Variants in GSTCD observed in about 807,000 individuals in gnomAD.
GSTCD encodes the protein glutathione S-transferase C-terminal domain containing.
A neutral mutation model predicts 68.3 loss-of-function variants in GSTCD; 44 were observed. The observed-to-expected ratio is 0.64, with a 90% CI of 0.51 to 0.83. GSTCD has a LOEUF of 0.83. Among genes scored for constraint, GSTCD ranks in the 40% least tolerant of loss-of-function variants. GSTCD has a pLI of 0.00. For missense variants in GSTCD, 739 were observed against 735.9 expected, an observed-to-expected ratio of 1.00 and a Z score of -0.05; for synonymous variants, 273 against 255.2, an observed-to-expected ratio of 1.07 and a Z score of -0.67.
At chr4:105,835,219 G>A (rs183995481) in intron 9 of GSTCD, among the ~76,000 whole-genome samples, 10 of 152,172 alleles carry the variant, frequency 6.6e-5, no homozygotes, top group Admixed American at 5.9e-4. Context: ...GGTTGGTGGA[G>A]CGTTTGCCTG....
At chr4:105,825,939 A>T in intron 8 of GSTCD, 139 bp downstream of exon 8, 1 of 464,040 alleles carries the variant, frequency 2.2e-6, no homozygotes, top group Admixed American at 3.6e-5. Flanking sequence ...TCTATGAAAT[A>T]TAGCATATTA....
At chr4:105,821,819 A>G (rs1370420969) in intron 5 of GSTCD, among the ~76,000 whole-genome samples, 1 of 151,876 alleles carries the variant, frequency 6.6e-6, no homozygotes, top group Non-Finnish European at 1.5e-5. Context: ...GTAACCATAC[A>G]TGTACATAAA....
intron 5 of GSTCD, among the ~76,000 whole-genome samples, chr4:105,795,894 T>G (rs1239572778): frequency 1.3e-5 from 2 of 152,232 alleles, no homozygotes; most frequent in Non-Finnish European, 2.9e-5. Flanking sequence ...TTTGATACTT[T>G]GCTGTTCTGT....
chr4:105,782,002 A>T (rs1735292899), intron 5 of GSTCD, among the ~76,000 whole-genome samples: 1 of 152,128 alleles, frequency 6.6e-6, no homozygotes, highest in African/African-American at 2.4e-5. Flanking sequence ...GCTTTGAAAG[A>T]TATTTTGCTT....
chr4:105,785,127 C>CA (rs1161127148), intron 5 of GSTCD, among the ~76,000 whole-genome samples: 6 of 152,180 alleles, frequency 3.9e-5, no homozygotes, highest in Non-Finnish European at 8.8e-5. Context: ...AATCCAGAAG[C>CA]AGAGAGTTTG....
At chr4:105,839,596 T>C (rs564480650) in intron 10 of GSTCD, among the ~76,000 whole-genome samples, 7 of 152,030 alleles carry the variant, frequency 4.6e-5, no homozygotes, top group African/African-American at 1.4e-4. Context: ...GATTGTGCCA[T>C]TGCATTCCCA....
At chr4:105,819,186 C>T (rs1278219033) in intron 5 of GSTCD, among the ~76,000 whole-genome samples, 2 of 151,680 alleles carry the variant, frequency 1.3e-5, no homozygotes, top group Non-Finnish European at 3.0e-5. Flanking sequence ...ATCTGATGTT[C>T]TACTACTTCC....
At chr4:105,772,334 T>C (rs1364342956) in intron 5 of GSTCD, among the ~76,000 whole-genome samples, 1 of 152,224 alleles carries the variant, frequency 6.6e-6, no homozygotes, top group Non-Finnish European at 1.5e-5. Context: ...CCTCTCTTCC[T>C]ATTTGAATAA....
intron 5 of GSTCD, among the ~76,000 whole-genome samples, chr4:105,796,407 A>G (rs1001912606): frequency 6.6e-6 from 1 of 152,212 alleles, no homozygotes. Context: ...GCCAAACCAT[A>G]TTGACCTGGA....
intron 5 of GSTCD, among the ~76,000 whole-genome samples, chr4:105,738,954 G>A (rs536406743): frequency 6.6e-6 from 1 of 152,268 alleles, no homozygotes; most frequent in Non-Finnish European, 1.5e-5. Context: ...TCCCCATTCA[G>A]TATGATGTTA....
At chr4:105,712,875 G>C (rs1258477634) in intron 1 of GSTCD, among the ~76,000 whole-genome samples, 1 of 152,158 alleles carries the variant, frequency 6.6e-6, no homozygotes, top group Non-Finnish European at 1.5e-5. Flanking sequence ...CATCCACATG[G>C]AGATGTCAAG....
At chr4:105,747,949 T>G (rs1339983145) in intron 5 of GSTCD, among the ~76,000 whole-genome samples, 1 of 152,056 alleles carries the variant, frequency 6.6e-6, no homozygotes, top group African/African-American at 2.4e-5. Flanking sequence ...TTTTGAACTT[T>G]TTGGCATTTA....
At position 105,812,928 on chromosome 4, in the gene GSTCD, CAGTA is replaced by C. The variant is rs141470880; in HGVS notation, c.1241-10023_1241-10020del. 3.4e-3 allele frequency among the ~76,000 whole-genome samples: 525 copies of C among 152,196 alleles called. 11 individuals carry two copies. The East Asian group carries it at 0.052, about 15-fold the overall frequency. ...TATTTATTTATTTTTCTTAAAAAGA[CAGTA>C]AGCTTTACTACTATTTAACAGAGAA... is the stretch of plus-strand genomic sequence containing the variant. On this transcript the variant is annotated intron_variant, in intron 5 of 11. Coordinates refer to ENST00000515279, the MANE Select transcript of GSTCD (RefSeq NM_001370181.1).
At chr4:105,809,492 C>T (rs1261716200) in intron 5 of GSTCD, among the ~76,000 whole-genome samples, 1 of 152,048 alleles carries the variant, frequency 6.6e-6, no homozygotes. Context: ...TTCAGGTCAG[C>T]CTATCTGTAA....
intron 5 of GSTCD, among the ~76,000 whole-genome samples, chr4:105,818,618 G>T (rs561079740): frequency 2.0e-5 from 3 of 151,746 alleles, no homozygotes; most frequent in African/African-American, 7.2e-5. Flanking sequence ...GAGCAAAGGA[G>T]AGATACTTTA....
intron 4 of GSTCD, among the ~76,000 whole-genome samples, 199 bp downstream of exon 4, chr4:105,727,029 T>C (rs952764853): frequency 1.3e-5 from 2 of 152,100 alleles, no homozygotes; most frequent in Non-Finnish European, 2.9e-5. Flanking sequence ...TTTAGTATTA[T>C]GTATTTTTGG....
chr4:105,796,031 C>T (rs935523715), intron 5 of GSTCD, among the ~76,000 whole-genome samples: 6 of 152,040 alleles, frequency 3.9e-5, no homozygotes, highest in African/African-American at 1.5e-4. Context: ...TTAACTTTAC[C>T]TGTGTATTAG....
In GSTCD at chr4:105,717,894, T is replaced by C; in HGVS notation, c.281T>C (p.Val94Ala). 6.2e-7 allele frequency: 1 copy of C among 1,614,116 alleles called. No individual in the cohort carries two copies. Among genetic ancestry groups the C allele is most frequent in the Non-Finnish European group, 8.5e-7 (1 of 1,180,006 alleles). Residue 94 changes from valine (V) to alanine (A), a missense_variant, in exon 2 of 12, where the codon GTA becomes GCA. Val to Ala is a moderately conservative substitution (Grantham distance 64). Coordinates refer to ENST00000515279, the MANE Select transcript of GSTCD (RefSeq NM_001370181.1). ...CAAAATTGCTGTTTGCCTGCAGTAG[T>C]AGAACGATCAGACAATTTTTGTAGA... ...IVQNCCLPAV[V>A]ERSDNFCRAG...
intron 5 of GSTCD, among the ~76,000 whole-genome samples, chr4:105,773,643 T>A (rs1276508338): frequency 6.6e-6 from 1 of 152,204 alleles, no homozygotes; most frequent in Admixed American, 6.5e-5. Flanking sequence ...GAGCAGGTTG[T>A]TCAGTTTCCA....
Sources: allele counts gnomAD v4.1 joint callset (sites outside exome capture counted in the v4.1 genomes callset), GRCh38; gene constraint gnomAD v4.1.1; transcripts MANE v1.5; gene names NCBI Gene and HGNC (gene_info 2026-07-23, HGNC 2026-07-21).